Variants in FRMPD3 observed in about 807,000 individuals in gnomAD.
The protein encoded by FRMPD3 is FERM and PDZ domain-containing protein 3.
Under a neutral mutation model 97.9 loss-of-function variants are expected in FRMPD3, and 42 were observed. The ratio of observed to expected loss-of-function variants is 0.43; its 90% CI spans 0.34 to 0.55. FRMPD3 has a LOEUF of 0.55. Among genes scored for constraint, FRMPD3 ranks in the 20% least tolerant of loss-of-function variants. FRMPD3 has a pLI of 0.03. For missense variants in FRMPD3, 1,303 were observed against 1,457.7 expected (o/e 0.89, Z 1.73); for synonymous variants, 577 against 581.1 (o/e 0.99, Z 0.10).
chrX:107,550,220 C>T, intron 6 of FRMPD3, 64 bp downstream of exon 6: 4 of 743,726 alleles, frequency 5.4e-6, no homozygotes, highest in South Asian at 2.4e-5. Context: ...GTTGTGTGTC[C>T]TGTGTTCCTC....
Position 107,603,282 on chromosome X carries a change from C to T in FRMPD3, c.5243C>T (p.Ala1748Val). 9.5e-7 allele frequency: 1 copy of T among 1,052,924 alleles called. No individual in the cohort carries two copies. Among genetic ancestry groups the T allele is most frequent in the Non-Finnish European group, 1.2e-6 (1 of 813,970 alleles). The allele number at this position is 1,052,924 out of a possible 1,213,427, so 86.8% of individuals were successfully genotyped here. A position where few individuals can be genotyped will look rare whatever the true frequency, so the allele number is the denominator to read the frequency against. ...QQQQQQVAAA[A>V]GAATEHPPGS... ...CAGCAGCAGCAGGTGGCAGCAGCTG[C>T]AGGGGCAGCCACAGAGCATCCACCA... The change falls in exon 15 of 15, where the codon GCA (alanine) becomes GTA (valine). Residue 1748 changes from alanine to valine, a missense_variant. Around this residue, in one of 3 missense-constraint regions of FRMPD3, gnomAD observed 764 missense variants for 820.2 expected, o/e 0.93. Transcript: ENST00000683843.
intron 12 of FRMPD3, among the ~76,000 whole-genome samples, chrX:107,573,659 G>A (rs1044013292): frequency 1.8e-5 from 2 of 111,934 alleles, no homozygotes; most frequent in Non-Finnish European, 3.8e-5. Flanking sequence ...CCTCCCAATG[G>A]TATTGCATGA....
At chrX:107,484,499 C>T (rs1160552215) in intron 1 of FRMPD3, among the ~76,000 whole-genome samples, 1 of 112,602 alleles carries the variant, frequency 8.9e-6, no homozygotes, top group African/African-American at 3.2e-5. Flanking sequence ...AGGGAGAGAG[C>T]AAGACAGTAG....
intron 8 of FRMPD3, among the ~76,000 whole-genome samples, chrX:107,558,586 T>C (rs1922207396): frequency 1.8e-5 from 2 of 112,124 alleles, no homozygotes; most frequent in South Asian, 7.5e-4. Context: ...TCCATATTTG[T>C]GGATTTTGAA....
At chrX:107,552,090 G>T (rs1921889257) in intron 6 of FRMPD3, among the ~76,000 whole-genome samples, 1 of 111,780 alleles carries the variant, frequency 8.9e-6, no homozygotes, top group East Asian at 2.8e-4. Context: ...TGACATTTGT[G>T]CAGCCCCTTC....
In FRMPD3 at chrX:107,597,823, G is replaced by A; in HGVS notation, c.1944G>A (p.Gly648=). The A allele has an allele frequency of 8.4e-7, 1 of 1,185,613 alleles. No individual in the cohort carries two copies. The highest frequency in any genetic ancestry group is 1.1e-6 in the Non-Finnish European group (1 of 883,187). ...ATTTGATGTCCCTCCCACCACCTGG[G>A]AGTGAGGAGGAGGAGGAGGAGGAAG... ...IVDLMSLPPP[G]SEEEEEEEDE... Residue 648 remains glycine (G), a synonymous_variant, in exon 14 of 15, where the codon GGG becomes GGA. Coordinates refer to ENST00000683843, the MANE Select transcript of FRMPD3 (RefSeq NM_001388459.1).
chrX:107,473,727 A>G (rs1921124207), intron 1 of FRMPD3, among the ~76,000 whole-genome samples: 1 of 112,396 alleles, frequency 8.9e-6, no homozygotes, highest in South Asian at 3.7e-4. Context: ...TTTTGAACAC[A>G]TTTCTGAGTC....
chrX:107,469,703 C>A (rs903540934), intron 1 of FRMPD3, among the ~76,000 whole-genome samples: 4 of 112,366 alleles, frequency 3.6e-5, no homozygotes, highest in African/African-American at 1.3e-4. Context: ...CTCCTCTGTG[C>A]CTCAGTTTAT....
chrX:107,473,045 T>C (rs1921105546), intron 1 of FRMPD3, among the ~76,000 whole-genome samples: 1 of 112,268 alleles, frequency 8.9e-6, no homozygotes, highest in Admixed American at 9.4e-5. Flanking sequence ...TCAAAAACCC[T>C]CTCTGAGTGT....
At chrX:107,492,315 G>A (rs2147523696) in intron 1 of FRMPD3, among the ~76,000 whole-genome samples, 1 of 111,867 alleles carries the variant, frequency 8.9e-6, no homozygotes, top group African/African-American at 3.2e-5. Context: ...TTAACTAGCT[G>A]TAGATGAGGT....
intron 1 of FRMPD3, among the ~76,000 whole-genome samples, chrX:107,486,414 G>T (rs374067283): frequency 7.3e-4 from 82 of 112,574 alleles, no homozygotes; most frequent in African/African-American, 2.5e-3. Flanking sequence ...GTCCTCCAAA[G>T]ACCTTTGTTA....
chrX:107,588,742 G>A (rs1299501014), intron 13 of FRMPD3, among the ~76,000 whole-genome samples: 1 of 110,827 alleles, frequency 9.0e-6, no homozygotes, highest in Non-Finnish European at 1.9e-5. Context: ...TCTTTTTACA[G>A]AGTCCCATAT....
At chrX:107,468,451 G>A (rs1042241923) in intron 1 of FRMPD3, among the ~76,000 whole-genome samples, 7 of 112,220 alleles carry the variant, frequency 6.2e-5, no homozygotes, top group Non-Finnish European at 9.4e-5. Context: ...TGGAGCATGT[G>A]TTTCAATAGG....
At chrX:107,490,918 G>T (rs886481590) in intron 1 of FRMPD3, among the ~76,000 whole-genome samples, 2 of 112,000 alleles carry the variant, frequency 1.8e-5, no homozygotes, top group Non-Finnish European at 1.9e-5. Flanking sequence ...TAGCTAGCTG[G>T]TTGATAGCTT....
chrX:107,522,169 G>A (rs1003843856), intron 1 of FRMPD3, among the ~76,000 whole-genome samples: 2 of 111,271 alleles, frequency 1.8e-5, no homozygotes, highest in Middle Eastern at 4.6e-3. Flanking sequence ...CAAGGAGTTG[G>A]GGGTAGGGCT....
intron 1 of FRMPD3, among the ~76,000 whole-genome samples, chrX:107,511,267 T>C (rs1201032088): frequency 8.9e-6 from 1 of 112,331 alleles, no homozygotes; most frequent in African/African-American, 3.2e-5. Flanking sequence ...CAGGCTATTG[T>C]GTTCATGCCT....
rs768711235 is a variant in FRMPD3 at position 107,554,453 on chromosome X, T to C, written c.711T>C (p.Pro237=). 1.7e-5 allele frequency: 21 copies of C among 1,208,748 alleles called. 1 individual carries two copies. The highest frequency in any genetic ancestry group is 2.2e-5 in the Non-Finnish European group (20 of 894,854). The change falls in exon 8 of 15, where the codon CCT becomes CCC. Residue 237 remains proline, a synonymous_variant. Coordinates refer to ENST00000683843, the MANE Select transcript of FRMPD3 (RefSeq NM_001388459.1). ...GAATAAGCTTCTTTCCCAAAGACCC[T>C]GTGGAGCTGCTGCGTCGGGATCCTG... The part of the protein sequence containing the change: ...LFRISFFPKD[P]VELLRRDPAA...
At chrX:107,581,565 A>G (rs1469473784) in intron 13 of FRMPD3, among the ~76,000 whole-genome samples, 1 of 110,883 alleles carries the variant, frequency 9.0e-6, no homozygotes, top group African/African-American at 3.3e-5. Context: ...TAATATATTC[A>G]CAGGGTTATA....
In FRMPD3 at chrX:107,604,798, G is replaced by GT. The variant is rs1924755462; in HGVS notation, c.*1426dup. The GT allele has an allele frequency of 9.0e-6, 1 of 111,236 alleles. No individual in the cohort carries two copies. Among genetic ancestry groups the GT allele is most frequent in the African/African-American group, 3.3e-5 (1 of 30,526 alleles). The allele number at this position is 111,236 out of a possible 1,213,427, so 9.2% of individuals were successfully genotyped here. A position where few individuals can be genotyped will look rare whatever the true frequency, so the allele number is the denominator to read the frequency against. On this transcript the variant is annotated 3_prime_UTR_variant, in exon 15 of 15. Coordinates refer to ENST00000683843, the MANE Select transcript of FRMPD3 (RefSeq NM_001388459.1). ...CCCATGTGAAATCTTTCATTCTGATGTGAGTTTTATAAAGATGTACACTGT... is the reference window on the plus strand; with the variant it reads ...CCCATGTGAAATCTTTCATTCTGATGTTGAGTTTTATAAAGATGTACACTGT...
Sources: gnomAD v4.1 joint callset for allele counts (sites outside exome capture counted in the v4.1 genomes callset) on GRCh38, gnomAD v4.1.1 for gene constraint, gnomAD v4.1.1 regional missense constraint, MANE v1.5 for transcripts, NCBI Gene and HGNC (gene_info 2026-07-23, HGNC 2026-07-21) for gene names.